Variants in RAB28 observed in about 807,000 individuals in gnomAD.
RAB28 encodes the protein RAB28, member RAS oncogene family, also known as ras-related protein Rab-28.
Under a neutral mutation model 31.7 loss-of-function variants are expected in RAB28, and 24 were observed. That is an observed-to-expected ratio of 0.76 (90% confidence interval 0.55 to 1.06). The LOEUF (loss-of-function observed/expected upper bound fraction) is 1.06. RAB28 is among the 50% of genes least tolerant of loss of function. RAB28 has a pLI of 0.00. For missense variants in RAB28, 254 were observed against 258.5 expected (o/e 0.98, Z 0.12); for synonymous variants, 100 against 90.4 (o/e 1.11, Z -0.60).
At chr4:13,375,768 A>AACACACACACAC (rs377543521) in intron 6 of RAB28, among the ~76,000 whole-genome samples, 1 of 148,068 alleles carries the variant, frequency 6.8e-6, no homozygotes, top group African/African-American at 2.5e-5. Context: ...ATTGTTTTAA[A>AACACACACACAC]ACACACACAC....
chr4:13,450,759 G>GAAGA (rs988465701), intron 4 of RAB28, among the ~76,000 whole-genome samples: 1 of 151,836 alleles, frequency 6.6e-6, no homozygotes, highest in Non-Finnish European at 1.5e-5. Flanking sequence ...TGTTGAAGGT[G>GAAGA]AGATGTGAAT....
At chr4:13,459,510 GTC>G (rs1715478636) in intron 4 of RAB28, among the ~76,000 whole-genome samples, 1 of 152,032 alleles carries the variant, frequency 6.6e-6, no homozygotes, top group Non-Finnish European at 1.5e-5. Context: ...CTTTATTAAT[GTC>G]TCTTTTTCTA....
chr4:13,393,758 T>A (rs1048332545), intron 4 of RAB28, among the ~76,000 whole-genome samples: 1 of 150,902 alleles, frequency 6.6e-6, no homozygotes. Flanking sequence ...ATTATATACA[T>A]GCAGCTATTT....
At chr4:13,390,334 G>C (rs1729570450) in intron 4 of RAB28, among the ~76,000 whole-genome samples, 1 of 152,064 alleles carries the variant, frequency 6.6e-6, no homozygotes, top group Admixed American at 6.5e-5. Flanking sequence ...AAAATGCCTA[G>C]GAATCCAATT....
intron 4 of RAB28, chr4:13,459,829 C>T (rs1328820097): frequency 3.2e-6 from 4 of 1,260,384 alleles, no homozygotes; most frequent in Non-Finnish European, 3.1e-6. Context: ...TGAAATGCAT[C>T]GCTCAAAACC....
rs1469405693 is a variant in RAB28, at chr4:13,484,241, G to C, written c.-91C>G. On this transcript the variant is annotated 5_prime_UTR_variant, in exon 1 of 7. Transcript: ENST00000330852. ...GCGGGGGAGAGGAGGAAGGGAGGTA[G>C]TTGCGGCAGGACCCCCGCCCCGGTG... The C allele has an allele frequency of 1.3e-5, 13 of 995,858 alleles. No individual in the cohort carries two copies. The highest frequency in any genetic ancestry group is 2.0e-5 in the Non-Finnish European group (13 of 645,216). 61.7% of individuals were successfully genotyped at this position (995,858 alleles called of 1,614,324 possible). A position where few individuals can be genotyped will look rare whatever the true frequency, so the allele number is the denominator to read the frequency against.
At chr4:13,446,646 A>G (rs1288670832) in intron 4 of RAB28, among the ~76,000 whole-genome samples, 1 of 152,074 alleles carries the variant, frequency 6.6e-6, no homozygotes, top group African/African-American at 2.4e-5. Context: ...GCGATGCCCT[A>G]TCCTGCTTCT....
intron 3 of RAB28, among the ~76,000 whole-genome samples, chr4:13,462,947 C>A (rs1715671066): frequency 6.6e-6 from 1 of 152,228 alleles, no homozygotes. Flanking sequence ...GAGCTCTACG[C>A]TGGAACTCAG....
chr4:13,437,188 C>A (rs1404188286), intron 4 of RAB28, among the ~76,000 whole-genome samples: 1 of 151,988 alleles, frequency 6.6e-6, no homozygotes, highest in East Asian at 1.9e-4. Context: ...ACCTTCCTTA[C>A]CTCTCACCAC....
intron 4 of RAB28, among the ~76,000 whole-genome samples, chr4:13,459,017 G>T (rs903405433): frequency 3.9e-5 from 6 of 152,204 alleles, no homozygotes; most frequent in African/African-American, 1.4e-4. Context: ...CTCAATCTGG[G>T]TGGGCACTCT....
In RAB28 at chr4:13,368,255, C is replaced by T. The variant is rs1275614983; in HGVS notation, c.*303G>A. ...TTTCATATTAAGTTAAAAAAATTTA[C>T]ATCAATGAAAAAAGAAGCAAGGACA... On this transcript the variant is annotated 3_prime_UTR_variant, in exon 7 of 7. Coordinates refer to ENST00000330852, the MANE Select transcript of RAB28 (RefSeq NM_001017979.3). 3.9e-6 allele frequency: 4 copies of T among 1,028,828 alleles called. No homozygotes were observed. Among genetic ancestry groups the T allele is most frequent in the East Asian group, 8.1e-5 (1 of 12,306 alleles). 63.7% of individuals were successfully genotyped at this position (1,028,828 alleles called of 1,614,324 possible).
At chr4:13,395,043 T>G (rs181045151) in intron 4 of RAB28, among the ~76,000 whole-genome samples, 15 of 152,278 alleles carry the variant, frequency 9.9e-5, no homozygotes, top group African/African-American at 3.4e-4. Flanking sequence ...ATTAGAACTA[T>G]GCTATCTGAT....
intron 4 of RAB28, among the ~76,000 whole-genome samples, chr4:13,433,287 AG>A (rs1431160747): frequency 6.6e-6 from 1 of 152,098 alleles, no homozygotes; most frequent in Non-Finnish European, 1.5e-5. Flanking sequence ...CAATTGCAAC[AG>A]AAAAACAAAA....
chr4:13,435,075 T>C (rs1384791560), intron 4 of RAB28, among the ~76,000 whole-genome samples: 1 of 142,622 alleles, frequency 7.0e-6, no homozygotes, highest in African/African-American at 2.6e-5. Context: ...AAAGAGGAAC[T>C]CTCAAAACCA....
intron 4 of RAB28, among the ~76,000 whole-genome samples, chr4:13,431,068 C>T (rs914590521): frequency 1.3e-5 from 2 of 152,166 alleles, no homozygotes; most frequent in Non-Finnish European, 2.9e-5. Context: ...GTAGCTCCAC[C>T]GTCAGCCCAT....
At chr4:13,469,294 A>G (rs149675231) in intron 3 of RAB28, among the ~76,000 whole-genome samples, 3 of 152,126 alleles carry the variant, frequency 2.0e-5, no homozygotes, top group African/African-American at 7.2e-5. Flanking sequence ...CATGTCCCAG[A>G]TAACTTTTGT....
intron 4 of RAB28, among the ~76,000 whole-genome samples, chr4:13,383,833 G>A (rs977404606): frequency 2.0e-5 from 3 of 152,174 alleles, no homozygotes; most frequent in Non-Finnish European, 4.4e-5. Context: ...TAGCCCTAGG[G>A]GAACTGTCAG....
At chr4:13,417,939 T>C (rs1015564955) in intron 4 of RAB28, among the ~76,000 whole-genome samples, 6 of 152,214 alleles carry the variant, frequency 3.9e-5, no homozygotes, top group African/African-American at 1.4e-4. Context: ...AGGTTGGTAA[T>C]AACAAACTTC....
chr4:13,422,469 T>C (rs996880252), intron 4 of RAB28, among the ~76,000 whole-genome samples: 2 of 152,148 alleles, frequency 1.3e-5, no homozygotes, highest in Non-Finnish European at 2.9e-5. Context: ...TGCGGCACTA[T>C]TCACAATAGC....
Sources: gnomAD v4.1 joint callset for allele counts (sites outside exome capture counted in the v4.1 genomes callset) on GRCh38, gnomAD v4.1.1 for gene constraint, MANE v1.5 for transcripts, NCBI Gene and HGNC (gene_info 2026-07-23, HGNC 2026-07-21) for gene names.